KAZN: variants seen among roughly 807,000 people sequenced by gnomAD.
KAZN encodes the protein kazrin, periplakin interacting protein.
KAZN carries 40 observed loss-of-function variants against 87.4 expected under a neutral mutation model. The observed-to-expected ratio is 0.46, with a 90% CI of 0.36 to 0.60. KAZN has a LOEUF of 0.60. KAZN is among the 20% of genes least tolerant of loss of function. The probability of loss-of-function intolerance (pLI) is 0.00; values close to 1 mark genes in which losing one functional copy is unlikely to be tolerated. For missense variants in KAZN, 898 were observed against 1,073.9 expected (o/e 0.84, Z 2.29); for synonymous variants, 466 against 458.3 (o/e 1.02, Z -0.22).
At chr1:14,666,935 T>C (rs4344325) in intron 1 of KAZN, among the ~76,000 whole-genome samples, 38,290 of 152,018 alleles carry the variant, frequency 0.25, 5,096 homozygotes, top group South Asian at 0.35. Context: ...GGGGTTTCAC[T>C]GTGTTGGCCA....
At chr1:14,460,477 G>T (rs942585009) in intron 2 of KAZN, among the ~76,000 whole-genome samples, 1 of 152,194 alleles carries the variant, frequency 6.6e-6, no homozygotes, top group African/African-American at 2.4e-5. Context: ...GTTCTGCTCA[G>T]CCTTCCAGGG....
chr1:15,111,846 A>T (rs1641636523), intron 13 of KAZN: 1 of 153,906 alleles, frequency 6.5e-6, no homozygotes, highest in Non-Finnish European at 1.4e-5. Context: ...TTATAAAATC[A>T]GTCGGCCAGC....
intron 1 of KAZN, among the ~76,000 whole-genome samples, chr1:14,894,248 C>T (rs538116994): frequency 1.2e-3 from 189 of 152,154 alleles, no homozygotes; most frequent in Admixed American, 2.0e-3. Flanking sequence ...CTGCCTGACC[C>T]GACAGATGGC....
chr1:14,146,536 C>CAAAAAAA (rs55928646), intron 1 of KAZN, among the ~76,000 whole-genome samples: 20 of 63,470 alleles, frequency 3.2e-4, no homozygotes, highest in Non-Finnish European at 4.6e-4. Flanking sequence ...AACTCCATCT[C>CAAAAAAA]AAAAAAAAAA....
intron 2 of KAZN, among the ~76,000 whole-genome samples, chr1:14,397,592 C>A (rs1663007350): frequency 6.6e-6 from 1 of 152,082 alleles, no homozygotes; most frequent in Non-Finnish European, 1.5e-5. Context: ...GGCGGTGGTT[C>A]ATGCCTGTAA....
At chr1:14,859,994 T>A (rs887522952) in intron 1 of KAZN, among the ~76,000 whole-genome samples, 3 of 152,134 alleles carry the variant, frequency 2.0e-5, no homozygotes, top group African/African-American at 7.2e-5. Flanking sequence ...AAGAACATCA[T>A]GTCACTCTCA....
chr1:13,979,900 C>T (rs925109411), intron 1 of KAZN, among the ~76,000 whole-genome samples: 1 of 140,482 alleles, frequency 7.1e-6, no homozygotes, highest in Non-Finnish European at 1.5e-5. Flanking sequence ...CACTGCACTC[C>T]AGCCTGGGCG....
At chr1:14,823,915 A>C (rs960768556) in intron 1 of KAZN, among the ~76,000 whole-genome samples, 3 of 152,146 alleles carry the variant, frequency 2.0e-5, no homozygotes, top group African/African-American at 7.2e-5. Flanking sequence ...GGAGTTCAAG[A>C]CCAGCCTGGC....
intron 1 of KAZN, among the ~76,000 whole-genome samples, chr1:14,654,235 C>T (rs570538942): frequency 4.3e-5 from 6 of 140,848 alleles, no homozygotes; most frequent in Admixed American, 1.5e-4. Context: ...TGCAGTGAGC[C>T]GGGATCGTGC....
chr1:14,331,300 A>G (rs1192826225), intron 2 of KAZN, among the ~76,000 whole-genome samples: 1 of 152,120 alleles, frequency 6.6e-6, no homozygotes, highest in Non-Finnish European at 1.5e-5. Context: ...AGGCTGTGAT[A>G]TGGGACGGAA....
chr1:15,110,549 T>TTTTGTGTGTG (rs138391066), intron 13 of KAZN, among the ~76,000 whole-genome samples: 1,589 of 148,076 alleles, frequency 0.011, 33 homozygotes, highest in African/African-American at 0.035. Flanking sequence ...GCATATGTGT[T>TTTTGTGTGTG]TGTGTGTGTG....
chr1:14,197,737 C>A (rs983182267), intron 2 of KAZN, among the ~76,000 whole-genome samples: 1 of 152,104 alleles, frequency 6.6e-6, no homozygotes, highest in Non-Finnish European at 1.5e-5. Flanking sequence ...CTACCAGAAC[C>A]TTATTTTCTA....
At chr1:14,872,006 G>A (rs576110443) in intron 1 of KAZN, among the ~76,000 whole-genome samples, 32 of 152,158 alleles carry the variant, frequency 2.1e-4, no homozygotes, top group Non-Finnish European at 3.5e-4. Flanking sequence ...ATGAATATGC[G>A]CAGACAGCAA....
intron 2 of KAZN, among the ~76,000 whole-genome samples, chr1:14,403,503 G>A (rs182978085): frequency 5.5e-4 from 82 of 150,320 alleles, no homozygotes; most frequent in African/African-American, 1.9e-3. Flanking sequence ...CTCGAAGTAG[G>A]TATTTGCAAC....
chr1:15,060,462 C>T (rs1318794099), intron 6 of KAZN, 160 bp downstream of exon 6: 8 of 976,338 alleles, frequency 8.2e-6, no homozygotes, highest in African/African-American at 1.6e-5. Flanking sequence ...TTGCAAGAAG[C>T]GATGGATGTG....
At chr1:14,683,941 A>G (rs1401967333) in intron 1 of KAZN, among the ~76,000 whole-genome samples, 1 of 152,132 alleles carries the variant, frequency 6.6e-6, no homozygotes, top group East Asian at 1.9e-4. Context: ...CAGCAATTCC[A>G]TTTTTCTTAT....
intron 1 of KAZN, among the ~76,000 whole-genome samples, chr1:13,985,208 T>G (rs558221324): frequency 6.6e-6 from 1 of 152,262 alleles, no homozygotes; most frequent in Non-Finnish European, 1.5e-5. Flanking sequence ...CTGAATTTTT[T>G]TAAAATTATT....
chr1:13,995,258 T>G (rs543368969), intron 1 of KAZN, among the ~76,000 whole-genome samples: 2 of 144,290 alleles, frequency 1.4e-5, no homozygotes, highest in African/African-American at 2.5e-5. Flanking sequence ...GGAAAAAAGA[T>G]GGGTTACTAT....
intron 1 of KAZN, among the ~76,000 whole-genome samples, chr1:14,723,814 A>G (rs1643243673): frequency 6.6e-6 from 1 of 152,158 alleles, no homozygotes; most frequent in Non-Finnish European, 1.5e-5. Context: ...TTATTCAGCC[A>G]GTTTTTCAAT....
Sources: allele counts gnomAD v4.1 joint callset (sites outside exome capture counted in the v4.1 genomes callset), GRCh38; gene constraint gnomAD v4.1.1; transcripts MANE v1.5; gene names NCBI Gene and HGNC (gene_info 2026-07-23, HGNC 2026-07-21).